Variants in BMP7 observed in about 807,000 individuals in gnomAD.
The protein encoded by BMP7 is osteogenic protein 1.
In BMP7, 12 loss-of-function variants were observed where a neutral mutation model predicts 41.2. That is an observed-to-expected ratio of 0.29 (90% confidence interval 0.19 to 0.47). BMP7 has a LOEUF of 0.47. Ranked by LOEUF, BMP7 falls within the 20% of genes least tolerant of loss-of-function variation. The probability of loss-of-function intolerance (pLI) is 0.99; values close to 1 mark genes in which losing one functional copy is unlikely to be tolerated. For synonymous variants in BMP7, 248 were observed against 250.0 expected, an observed-to-expected ratio of 0.99 and a Z score of 0.07; for missense variants, 467 against 606.0, an observed-to-expected ratio of 0.77 and a Z score of 2.41.
intron 1 of BMP7, among the ~76,000 whole-genome samples, chr20:57,255,118 TTC>T (rs59698117): frequency 0.18 from 27,650 of 151,970 alleles, 2,581 homozygotes; most frequent in Non-Finnish European, 0.2. Flanking sequence ...TGGGCTCGGC[TTC>T]TGTTTTAATG....
intron 1 of BMP7, among the ~76,000 whole-genome samples, chr20:57,243,296 T>C (rs923760462): frequency 1.3e-5 from 2 of 152,072 alleles, no homozygotes; most frequent in African/African-American, 4.8e-5. Context: ...CTGGCTAATA[T>C]GCCAAAACCC....
intron 1 of BMP7, among the ~76,000 whole-genome samples, chr20:57,246,806 C>T (rs1047538910): frequency 3.3e-5 from 5 of 152,092 alleles, no homozygotes; most frequent in East Asian, 1.9e-4. Context: ...CTGGTCAACA[C>T]GGTGAAACTC....
chr20:57,171,128 A>G lies in BMP7; in HGVS notation c.1147-20T>C, dbSNP rs368660836. 18 of 1,614,074 alleles carry G rather than the reference A, an allele frequency of 1.1e-5. No individual in the cohort carries two copies. In the African/African-American group the frequency reaches 2.1e-4, roughly 19 times the overall value. On this transcript the variant is annotated intron_variant, in intron 6 of 6. Coordinates refer to ENST00000395863, the MANE Select transcript of BMP7 (RefSeq NM_001719.3). The surrounding 1 kb of genome is among the most constrained non-coding windows in gnomAD (Gnocchi z 4.5). ...GTGGACCTGAAACACACACCAAAAC[A>G]TGGGCAGTGGTGAGAAGCGGTGAGT...
intron 1 of BMP7, chr20:57,243,976 C>T (rs533133284): frequency 2.0e-5 from 3 of 149,256 alleles, no homozygotes; most frequent in Non-Finnish European, 3.0e-5. Context: ...GGGCGAGTCT[C>T]GGCTCTGCCA....
chr20:57,233,627 C>G (rs1012555375), intron 1 of BMP7, among the ~76,000 whole-genome samples: 13 of 152,240 alleles, frequency 8.5e-5, no homozygotes, highest in African/African-American at 2.9e-4. Context: ...CGGCATCACT[C>G]AGGAGTACCT....
intron 1 of BMP7, among the ~76,000 whole-genome samples, chr20:57,258,532 GA>G (rs1465457004): frequency 6.6e-6 from 1 of 152,212 alleles, no homozygotes; most frequent in African/African-American, 2.4e-5. Flanking sequence ...TTTTTTAAAT[GA>G]AACATTTTAT....
At position 57,259,199 on chromosome 20, in the gene BMP7, G is replaced by A. The variant is rs1402088300; in HGVS notation, c.418+6506C>T. ...CACCGAGAACTTCCGTTACACGGCAGTGAAGCCCCCAATCCCCCACCCCAT... is the reference window on the plus strand; with the variant it reads ...CACCGAGAACTTCCGTTACACGGCAATGAAGCCCCCAATCCCCCACCCCAT... On this transcript the variant is annotated intron_variant, in intron 1 of 6. Coordinates refer to ENST00000395863, the MANE Select transcript of BMP7 (RefSeq NM_001719.3). This position sits in a 1 kb window ranked among gnomAD's most constrained non-coding sequence, Gnocchi z 4.7. Among the ~76,000 whole-genome samples the A allele has an allele frequency of 5.9e-5, 9 of 152,118 alleles. No homozygotes were observed. Among genetic ancestry groups the A allele is most frequent in the African/African-American group, 1.9e-4 (8 of 41,414 alleles).
chr20:57,225,930 G>A (rs1280878590), intron 2 of BMP7: 1 of 471,260 alleles, frequency 2.1e-6, no homozygotes, highest in Non-Finnish European at 4.4e-6. Flanking sequence ...TCTGGTCGAT[G>A]CCCTCAGGCA....
At chr20:57,254,017 CTTTTTTTTTTTTTTT>C (rs35180643) in intron 1 of BMP7, among the ~76,000 whole-genome samples, 2 of 71,532 alleles carry the variant, frequency 2.8e-5, no homozygotes, top group African/African-American at 6.2e-5. Context: ...GGTTTCTTTC[CTTTTTTTTTTTTTTT>C]TTTTTTTTTT....
intron 1 of BMP7, among the ~76,000 whole-genome samples, chr20:57,239,485 G>C (rs1235066862): frequency 1.3e-5 from 2 of 152,158 alleles, no homozygotes; most frequent in Non-Finnish European, 2.9e-5. Context: ...GCTTTTCCAG[G>C]CACACGGTTC....
intron 3 of BMP7, among the ~76,000 whole-genome samples, chr20:57,193,505 C>T (rs1984424958): frequency 1.3e-5 from 2 of 152,230 alleles, no homozygotes; most frequent in South Asian, 2.1e-4. Context: ...CACTGACCCA[C>T]TCACATCACT....
chr20:57,194,470 C>G (rs1384648024), intron 3 of BMP7, among the ~76,000 whole-genome samples: 1 of 152,200 alleles, frequency 6.6e-6, no homozygotes, highest in Non-Finnish European at 1.5e-5. Flanking sequence ...AATATGTACT[C>G]TCTGGTACTT....
chr20:57,226,606 G>T (rs1323486198), intron 2 of BMP7, among the ~76,000 whole-genome samples: 1 of 152,196 alleles, frequency 6.6e-6, no homozygotes, highest in Non-Finnish European at 1.5e-5. Context: ...GGGCTGCCAA[G>T]GTTCATCATC....
At chr20:57,233,659 G>A (rs1402115584) in intron 1 of BMP7, among the ~76,000 whole-genome samples, 6 of 152,144 alleles carry the variant, frequency 3.9e-5, no homozygotes, top group African/African-American at 1.4e-4. Context: ...AACATCTGGG[G>A]TTCTTCCTCC....
At chr20:57,188,513 C>T (rs2123072505) in intron 3 of BMP7, among the ~76,000 whole-genome samples, 1 of 135,928 alleles carries the variant, frequency 7.4e-6, no homozygotes, top group South Asian at 2.3e-4. Flanking sequence ...TAGAATCAGA[C>T]AATGGGATGG....
rs1269558696 is a variant in BMP7 at position 57,224,867 on chromosome 20, C to CA, written c.611+3361dup. The CA allele has an allele frequency of 2.6e-5, 4 of 152,298 alleles. No individual in the cohort carries two copies. The highest frequency in any genetic ancestry group is 5.9e-5 in the Non-Finnish European group (4 of 68,074). The allele number at this position is 152,298 out of a possible 1,614,324, so 9.4% of individuals were successfully genotyped here. On this transcript the variant is annotated intron_variant, in intron 2 of 6. Transcript: ENST00000395863. The surrounding 1 kb of genome is among the most constrained non-coding windows in gnomAD (Gnocchi z 4.8). The stretch of plus-strand genomic sequence containing the variant: ...GAGCCGCAGGGCTATGGAAGGCCTC[C>CA]AGCTCGGCTCATTATCGGAATTTAA...
rs1387784786 is a variant in BMP7 at position 57,266,009 on chromosome 20, G to A, written c.114C>T (p.His38=). Residue 38 remains histidine (H), a synonymous_variant, in exon 1 of 7, where the codon CAC becomes CAT. Transcript: ENST00000395863. ...LADFSLDNEV[H]SSFIHRRLRS... ...GGAGGCGCCGGTGGATGAAGCTCGA[G>A]TGCACCTCGTTGTCCAGGCTGAAGT... 4 of 1,549,150 alleles carry A rather than the reference G, an allele frequency of 2.6e-6. No individual in the cohort carries two copies. Among genetic ancestry groups the A allele is most frequent in the African/African-American group, 1.4e-5 (1 of 73,180 alleles).
chr20:57,202,503 GC>G lies in BMP7; in HGVS notation c.731del (p.Gly244AlafsTer21). 1.2e-6 allele frequency: 2 copies of G among 1,608,296 alleles called. No individual in the cohort carries two copies. ...HWVVNPRHNL[G>X]LQLSVETLDG... ...CCAGCGTCTCCACCGAGAGCTGCAG[GC>G]CCAGGTTGTGCCGCGGATTGACCAC... On this transcript the variant is annotated frameshift_variant, in exon 3 of 7. Transcript: ENST00000395863. LOFTEE classifies it high-confidence loss of function.
At position 57,254,948 on chromosome 20, in the gene BMP7, C is replaced by G. The variant is rs149574358; in HGVS notation, c.418+10757G>C. On this transcript the variant is annotated intron_variant, in intron 1 of 6. Coordinates refer to ENST00000395863, the MANE Select transcript of BMP7 (RefSeq NM_001719.3). ...TTATGGGGTACATGTAGGTGCCCCC[C>G]ACAGGCACTCAGGGCCCTATGCCCT... Among the ~76,000 whole-genome samples the G allele has an allele frequency of 2.3e-3, 357 of 152,228 alleles. 3 individuals carry two copies. In the East Asian group the frequency reaches 0.029, roughly 12 times the overall value.
Sources: allele counts gnomAD v4.1 joint callset (sites outside exome capture counted in the v4.1 genomes callset), GRCh38; gene constraint gnomAD v4.1.1; non-coding constraint Gnocchi (gnomAD v3.1); transcripts MANE v1.5; gene names NCBI Gene and HGNC (gene_info 2026-07-23, HGNC 2026-07-21).